The following ZFPM2 variants were observed in gnomAD, a reference collection of about 807,000 sequenced individuals.
ZFPM2 encodes the protein zinc finger protein, FOG family member 2.
Under a neutral mutation model 98.6 loss-of-function variants are expected in ZFPM2, and 20 were observed. The observed-to-expected ratio is 0.20, with a 90% CI of 0.14 to 0.29. The LOEUF (loss-of-function observed/expected upper bound fraction) is 0.29. Among genes scored for constraint, ZFPM2 ranks in the 10% least tolerant of loss-of-function variants. The pLI, the probability that ZFPM2 is intolerant of heterozygous loss-of-function variation, is 1.00. For synonymous variants in ZFPM2, 518 were observed against 502.7 expected, an observed-to-expected ratio of 1.03 and a Z score of -0.41; for missense variants, 1,310 against 1,388.6, an observed-to-expected ratio of 0.94 and a Z score of 0.90.
intron 3 of ZFPM2, among the ~76,000 whole-genome samples, chr8:105,527,840 A>T (rs1586437560): frequency 6.6e-6 from 1 of 152,336 alleles, no homozygotes; most frequent in South Asian, 2.1e-4. Flanking sequence ...GTGGCATCTT[A>T]TGGAAGCATT....
Position 105,419,301 on chromosome 8 carries a change from A to G in ZFPM2, c.198A>G (p.Lys66=). Residue 66 remains lysine (K), a splice_region_variant and synonymous_variant, in exon 2 of 8, where the codon AAA becomes AAG. Coordinates refer to ENST00000407775, the MANE Select transcript of ZFPM2 (RefSeq NM_012082.4). ...SCEEVEYFCN[K]GDDEGIQETA... ...AAGAAGTGGAATACTTTTGTAACAAAGGTAATTGTTGATGGTTGGATGTAA... is the reference window on the plus strand; with the variant it reads ...AAGAAGTGGAATACTTTTGTAACAAGGGTAATTGTTGATGGTTGGATGTAA... 1.2e-6 allele frequency: 2 copies of G among 1,613,040 alleles called. No homozygotes were observed. Among genetic ancestry groups the G allele is most frequent in the Non-Finnish European group, 1.7e-6 (2 of 1,179,512 alleles).
At chr8:105,357,612 C>T (rs1156692145) in intron 1 of ZFPM2, among the ~76,000 whole-genome samples, 1 of 151,500 alleles carries the variant, frequency 6.6e-6, no homozygotes, top group Non-Finnish European at 1.5e-5. Flanking sequence ...TTTTCAAAGT[C>T]AGTTGGTTTA....
intron 5 of ZFPM2, among the ~76,000 whole-genome samples, chr8:105,652,062 T>C (rs1817189472): frequency 6.6e-6 from 1 of 151,894 alleles, no homozygotes; most frequent in East Asian, 2.0e-4. Context: ...ATGCAAAAGA[T>C]GTTGTCAAAC....
chr8:105,724,613 G>T (rs966981738), intron 5 of ZFPM2, among the ~76,000 whole-genome samples: 2 of 151,774 alleles, frequency 1.3e-5, no homozygotes, highest in Non-Finnish European at 2.9e-5. Context: ...CAGCACAATA[G>T]CAATAGGAAG....
intron 5 of ZFPM2, among the ~76,000 whole-genome samples, chr8:105,696,884 C>G (rs557741822): frequency 1.4e-4 from 22 of 152,214 alleles, no homozygotes; most frequent in African/African-American, 5.3e-4. Context: ...CTGTTTGAAA[C>G]TGATAATCTC....
intron 5 of ZFPM2, among the ~76,000 whole-genome samples, chr8:105,766,105 A>G (rs1470280910): frequency 6.6e-6 from 1 of 151,910 alleles, no homozygotes; most frequent in Non-Finnish European, 1.5e-5. Flanking sequence ...TTTGAGTAAA[A>G]GAAGGGATTA....
chr8:105,675,594 ACTGT>A (rs1810429300), intron 5 of ZFPM2, among the ~76,000 whole-genome samples: 1 of 152,088 alleles, frequency 6.6e-6, no homozygotes, highest in Admixed American at 6.6e-5. Flanking sequence ...GTGATCTCTG[ACTGT>A]CTGCAAAGAA....
Position 105,555,257 on chromosome 8 carries a change from G to A in ZFPM2, c.302-6106G>A, listed in dbSNP as rs1374026594. On this transcript the variant is annotated intron_variant, in intron 3 of 7. Coordinates refer to ENST00000407775, the MANE Select transcript of ZFPM2 (RefSeq NM_012082.4). Reference sequence around the variant, plus strand: ...TATTTTCTGTGAACTTACCCAGCATGTTAAAAAATCAGGCTTCTTTTTGAA... The same window carrying A: ...TATTTTCTGTGAACTTACCCAGCATATTAAAAAATCAGGCTTCTTTTTGAA... 2.6e-5 allele frequency among the ~76,000 whole-genome samples: 4 copies of A among 152,074 alleles called. No individual in the cohort carries two copies. The East Asian group carries it at 7.7e-4, about 29-fold the overall frequency.
At chr8:105,729,506 A>G (rs529663901) in intron 5 of ZFPM2, among the ~76,000 whole-genome samples, 2 of 151,766 alleles carry the variant, frequency 1.3e-5, no homozygotes, top group East Asian at 3.9e-4. Context: ...ATTTTAGTAA[A>G]CCATCAGTTT....
At chr8:105,673,718 C>G (rs1461930084) in intron 5 of ZFPM2, among the ~76,000 whole-genome samples, 3 of 152,114 alleles carry the variant, frequency 2.0e-5, no homozygotes, top group Non-Finnish European at 2.9e-5. Flanking sequence ...ATGCTCAAAA[C>G]AAGAGTTTAT....
chr8:105,398,248 T>G (rs145786722), intron 1 of ZFPM2, among the ~76,000 whole-genome samples: 270 of 152,264 alleles, frequency 1.8e-3, no homozygotes, highest in African/African-American at 5.9e-3. Context: ...ATTGTTAGTT[T>G]TTCATTTAAT....
At chr8:105,505,143 G>A (rs542727699) in intron 3 of ZFPM2, among the ~76,000 whole-genome samples, 4 of 152,148 alleles carry the variant, frequency 2.6e-5, no homozygotes, top group East Asian at 3.9e-4. Context: ...CTGAGCCTTC[G>A]ATTTTCAGCT....
chr8:105,690,504 G>A (rs1306029780), intron 5 of ZFPM2, among the ~76,000 whole-genome samples: 3 of 152,160 alleles, frequency 2.0e-5, no homozygotes, highest in Non-Finnish European at 4.4e-5. Flanking sequence ...GATTCCTGTT[G>A]AGTAGGAGTC....
At chr8:105,529,145 A>G (rs1458554787) in intron 3 of ZFPM2, among the ~76,000 whole-genome samples, 1 of 152,092 alleles carries the variant, frequency 6.6e-6, no homozygotes, top group African/African-American at 2.4e-5. Flanking sequence ...GTAGATGGCC[A>G]TGTTCTTCTG....
At chr8:105,604,853 A>G (rs1297256421) in intron 4 of ZFPM2, among the ~76,000 whole-genome samples, 1 of 152,074 alleles carries the variant, frequency 6.6e-6, no homozygotes, top group African/African-American at 2.4e-5. Context: ...TAGTGTTCAT[A>G]TATATCTTTT....
At chr8:105,675,938 A>G (rs1180202877) in intron 5 of ZFPM2, 1 of 152,200 alleles carries the variant, frequency 6.6e-6, no homozygotes, top group Non-Finnish European at 1.5e-5. Flanking sequence ...TCACACAGTT[A>G]GCAAAATGTG....
At chr8:105,362,037 G>C in intron 1 of ZFPM2, among the ~76,000 whole-genome samples, 1 of 152,000 alleles carries the variant, frequency 6.6e-6, no homozygotes, top group East Asian at 1.9e-4. Context: ...CATCTCTGTT[G>C]TTAAGCCAGG....
intron 3 of ZFPM2, chr8:105,451,588 G>A (rs1812486244): frequency 6.6e-6 from 1 of 152,188 alleles, no homozygotes; most frequent in Non-Finnish European, 1.5e-5. Context: ...TGGAGATAAA[G>A]GCAGAGACCC....
At chr8:105,775,185 T>C (rs146577854) in intron 5 of ZFPM2, among the ~76,000 whole-genome samples, 55 of 151,018 alleles carry the variant, frequency 3.6e-4, no homozygotes, top group African/African-American at 1.2e-3. Context: ...TTCATCAGGA[T>C]ACCGCAATGG....
Sources: gnomAD v4.1 joint callset for allele counts (sites outside exome capture counted in the v4.1 genomes callset) on GRCh38, gnomAD v4.1.1 for gene constraint, MANE v1.5 for transcripts, NCBI Gene and HGNC (gene_info 2026-07-23, HGNC 2026-07-21) for gene names.